HPSE2: variants seen among roughly 807,000 people sequenced by gnomAD.
HPSE2 encodes inactive heparanase-2.
Under a neutral mutation model 60.5 loss-of-function variants are expected in HPSE2, and 38 were observed. The observed-to-expected ratio is 0.63, with a 90% CI of 0.48 to 0.82. The LOEUF (loss-of-function observed/expected upper bound fraction) is 0.82, where lower values mean the gene tolerates loss of function less well. Ranked by LOEUF, HPSE2 falls within the 40% of genes least tolerant of loss-of-function variation. HPSE2 has a pLI of 0.00. For missense variants in HPSE2, 713 were observed against 740.4 expected (o/e 0.96, Z 0.43); for synonymous variants, 295 against 293.2 (o/e 1.01, Z -0.06).
chr10:99,058,028 G>A (rs1958153057), intron 3 of HPSE2, among the ~76,000 whole-genome samples: 3 of 152,122 alleles, frequency 2.0e-5, no homozygotes, highest in South Asian at 4.1e-4. Context: ...CTCATGGAGG[G>A]GAATGATAAA....
intron 9 of HPSE2, among the ~76,000 whole-genome samples, chr10:98,530,526 G>A (rs1039406295): frequency 1.3e-5 from 2 of 152,148 alleles, no homozygotes; most frequent in African/African-American, 4.8e-5. Context: ...AAGGGATCTT[G>A]AGGCAAGTGT....
intron 3 of HPSE2, among the ~76,000 whole-genome samples, chr10:99,010,070 T>G (rs1287030164): frequency 6.6e-6 from 1 of 152,224 alleles, no homozygotes; most frequent in Non-Finnish European, 1.5e-5. Context: ...TCCGCTCTGT[T>G]GTGACCACAG....
intron 3 of HPSE2, among the ~76,000 whole-genome samples, chr10:98,897,590 A>C (rs181709140): frequency 6.6e-6 from 1 of 152,284 alleles, no homozygotes; most frequent in East Asian, 1.9e-4. Flanking sequence ...CGGCAAAGGC[A>C]ATTCAAGGGA....
chr10:98,603,577 A>G (rs1449416448), intron 9 of HPSE2, among the ~76,000 whole-genome samples: 2 of 151,758 alleles, frequency 1.3e-5, no homozygotes, highest in East Asian at 3.9e-4. Flanking sequence ...CTACAGGCAC[A>G]CACCACCATG....
intron 6 of HPSE2, among the ~76,000 whole-genome samples, chr10:98,668,830 C>T (rs1430256412): frequency 6.6e-6 from 1 of 152,080 alleles, no homozygotes; most frequent in Non-Finnish European, 1.5e-5. Context: ...TACCCTTCTC[C>T]ATATGGTTTT....
At chr10:98,722,730 G>C (rs1298526731) in intron 4 of HPSE2, among the ~76,000 whole-genome samples, 5 of 152,150 alleles carry the variant, frequency 3.3e-5, no homozygotes, top group Admixed American at 3.3e-4. Flanking sequence ...TCCACAGCTG[G>C]AGGAGGCTAA....
At chr10:98,501,148 T>G (rs1344171659) in intron 9 of HPSE2, among the ~76,000 whole-genome samples, 4 of 151,942 alleles carry the variant, frequency 2.6e-5, no homozygotes, top group African/African-American at 7.2e-5. Context: ...CTTTTGACAC[T>G]ATTCCAAAAG....
chr10:99,179,966 A>C (rs1021084733), intron 2 of HPSE2, among the ~76,000 whole-genome samples: 28 of 152,324 alleles, frequency 1.8e-4, no homozygotes, highest in Middle Eastern at 3.4e-3. Context: ...ACACATCTAC[A>C]ACCATCTGAT....
Position 98,930,474 on chromosome 10 carries a change from G to T in HPSE2, c.611-186418C>A, listed in dbSNP as rs540794239. 2.1e-5 allele frequency among the ~76,000 whole-genome samples: 3 copies of T among 144,604 alleles called. 1 individual carries two copies. Among genetic ancestry groups the T allele is most frequent in the African/African-American group, 8.4e-5 (3 of 35,860 alleles). The allele number at this position is 144,604 out of a possible 152,430, so 94.9% of individuals were successfully genotyped here. On this transcript the variant is annotated intron_variant, in intron 3 of 11. Transcript: ENST00000370552. ...TGTGCATGTATCTTTATAAAAGAAT[G>T]ATCTATATTCCTTTGGGTATATACC...
At chr10:98,806,586 A>G (rs567587618) in intron 3 of HPSE2, among the ~76,000 whole-genome samples, 2 of 152,326 alleles carry the variant, frequency 1.3e-5, no homozygotes, top group East Asian at 1.9e-4. Context: ...CGTATATTCA[A>G]TGTGAAAGTG....
At chr10:98,914,112 G>A (rs559036834) in intron 3 of HPSE2, among the ~76,000 whole-genome samples, 1 of 152,134 alleles carries the variant, frequency 6.6e-6, no homozygotes, top group Non-Finnish European at 1.5e-5. Flanking sequence ...ATCGTGGGAG[G>A]GACCCAGTGG....
In HPSE2 at chr10:98,820,826, G is replaced by A. The variant is rs12412756; in HGVS notation, c.611-76770C>T. 6.8e-3 allele frequency among the ~76,000 whole-genome samples: 1,034 copies of A among 152,208 alleles called. 24 individuals are homozygous for A. The highest frequency in any genetic ancestry group is 0.044 in the Admixed American group (672 of 15,286). Reference sequence around the variant, plus strand: ...TTAACTCTACAGAAGAGATAATCACGAACTCTACTCTCACTGTCTATGTTC... The same window carrying A: ...TTAACTCTACAGAAGAGATAATCACAAACTCTACTCTCACTGTCTATGTTC... On this transcript the variant is annotated intron_variant, in intron 3 of 11. Transcript: ENST00000370552.
intron 3 of HPSE2, among the ~76,000 whole-genome samples, chr10:98,803,165 G>A (rs1328214757): frequency 6.6e-6 from 1 of 151,326 alleles, no homozygotes; most frequent in Non-Finnish European, 1.5e-5. Context: ...TTTTGATGGC[G>A]TTGTTTGTTT....
intron 3 of HPSE2, among the ~76,000 whole-genome samples, chr10:98,944,357 G>A (rs11189897): frequency 0.13 from 19,275 of 151,978 alleles, 1,327 homozygotes; most frequent in South Asian, 0.21. Flanking sequence ...CAAGCCTCTC[G>A]GTCACTCTGG....
At chr10:99,076,367 C>G (rs1842951894) in intron 3 of HPSE2, among the ~76,000 whole-genome samples, 1 of 152,100 alleles carries the variant, frequency 6.6e-6, no homozygotes, top group Non-Finnish European at 1.5e-5. Context: ...TCAATTCACA[C>G]ATTTTTATAT....
intron 3 of HPSE2, among the ~76,000 whole-genome samples, chr10:98,868,074 A>C (rs969170584): frequency 2.1e-4 from 22 of 104,822 alleles, no homozygotes; most frequent in Non-Finnish European, 3.5e-4. Context: ...AAAAAGAAAG[A>C]AAGAAAATAA....
chr10:99,184,803 TATATATATATATATATAG>T (rs1431385412), intron 2 of HPSE2, among the ~76,000 whole-genome samples: 2 of 33,854 alleles, frequency 5.9e-5, no homozygotes, highest in African/African-American at 1.2e-4. Flanking sequence ...TATATATATA[TATATATATATATATATAG>T]AGAGAGAGAG....
chr10:98,677,221 C>T (rs1198319309), intron 6 of HPSE2, among the ~76,000 whole-genome samples: 1 of 152,236 alleles, frequency 6.6e-6, no homozygotes, highest in Non-Finnish European at 1.5e-5. Flanking sequence ...CTATTCATAA[C>T]ATCTATCACA....
chr10:98,974,058 AG>A (rs959467918), intron 3 of HPSE2, among the ~76,000 whole-genome samples: 2 of 152,024 alleles, frequency 1.3e-5, no homozygotes, highest in Admixed American at 6.5e-5. Flanking sequence ...TGGGAGGCTG[AG>A]GTGGGTGGAT....
Sources: allele counts gnomAD v4.1 joint callset (sites outside exome capture counted in the v4.1 genomes callset), GRCh38; gene constraint gnomAD v4.1.1; transcripts MANE v1.5; gene names NCBI Gene and HGNC (gene_info 2026-07-23, HGNC 2026-07-21).